Variants in SVEP1 observed in about 807,000 individuals in gnomAD.
SVEP1 encodes the protein sushi, von Willebrand factor type A, EGF and pentraxin domain-containing protein 1.
SVEP1 carries 164 observed loss-of-function variants against 367.3 expected under a neutral mutation model. The observed-to-expected ratio is 0.45, with a 90% CI of 0.39 to 0.51. The LOEUF is 0.51. Among genes scored for constraint, SVEP1 ranks in the 20% least tolerant of loss-of-function variants. SVEP1 has a pLI of 0.00. For synonymous variants in SVEP1, 1,666 were observed against 1,611.6 expected, an observed-to-expected ratio of 1.03 and a Z score of -0.81; for missense variants, 4,117 against 4,425.3, an observed-to-expected ratio of 0.93 and a Z score of 1.98.
chr9:110,570,863 ACT>A (rs1830553727), intron 1 of SVEP1, among the ~76,000 whole-genome samples: 1 of 150,802 alleles, frequency 6.6e-6, no homozygotes, highest in Non-Finnish European at 1.5e-5. Flanking sequence ...TCAAGGCCAG[ACT>A]CTTTTATCTT....
In SVEP1 at chr9:110,407,225, G is replaced by T. The variant is rs1209025126; in HGVS notation, c.8375C>A (p.Thr2792Lys). 6.2e-7 allele frequency: 1 copy of T among 1,613,984 alleles called. No individual in the cohort carries two copies. The highest frequency in any genetic ancestry group is 1.3e-5 in the African/African-American group (1 of 75,040). ...MNGSIKGSNY[T>K]YLSTLYYECD... Reference sequence around the variant, plus strand: ...CTCATAGTACAACGTGCTCAGGTATGTGTAGTTGCTTCCTTTGATGGATCC... The same window carrying T: ...CTCATAGTACAACGTGCTCAGGTATTTGTAGTTGCTTCCTTTGATGGATCC... Residue 2792 changes from threonine to lysine, a missense_variant, in exon 38 of 48, where the codon ACA becomes AAA. Physicochemically the swap from Thr to Lys is moderately conservative, Grantham distance 78. Coordinates refer to ENST00000374469, the MANE Select transcript of SVEP1 (RefSeq NM_153366.4).
intron 34 of SVEP1, 147 bp from the exon 35 acceptor site, chr9:110,429,481 AT>A (rs148059692): frequency 0.19 from 98,758 of 528,908 alleles, 9,912 homozygotes; most frequent in East Asian, 0.42. Context: ...TTTTAAATTA[AT>A]TTTTTTTTTC....
chr9:110,399,707 T>TA (rs1827826802), intron 40 of SVEP1, among the ~76,000 whole-genome samples: 1 of 152,004 alleles, frequency 6.6e-6, no homozygotes, highest in African/African-American at 2.4e-5. Flanking sequence ...CCATTTTCTG[T>TA]ATTTTTTGTG....
chr9:110,525,135 G>A (rs1315310837), intron 3 of SVEP1, among the ~76,000 whole-genome samples: 9 of 152,010 alleles, frequency 5.9e-5, no homozygotes, highest in East Asian at 1.9e-4. Flanking sequence ...AAACGTATTC[G>A]GATTAGAAAG....
chr9:110,513,156 G>A, intron 4 of SVEP1, 51 bp from the exon 5 acceptor site: 1 of 1,503,022 alleles, frequency 6.7e-7, no homozygotes, highest in Non-Finnish European at 8.9e-7. Flanking sequence ...TTTTGTCTAT[G>A]ACATATCCTT....
At chr9:110,537,108 G>C (rs2118827905) in intron 3 of SVEP1, among the ~76,000 whole-genome samples, 1 of 151,938 alleles carries the variant, frequency 6.6e-6, no homozygotes, top group Admixed American at 6.6e-5. Flanking sequence ...ATACTTTTTT[G>C]ATGATAGATA....
chr9:110,562,190 T>A (rs556756847), intron 1 of SVEP1, among the ~76,000 whole-genome samples: 1 of 151,558 alleles, frequency 6.6e-6, no homozygotes, highest in African/African-American at 2.4e-5. Flanking sequence ...AATTCCACCA[T>A]TTGGAATAAA....
rs1827334614 is a variant in SVEP1 at position 110,375,384 on chromosome 9, C to A, written c.10584G>T (p.Gly3528=). ...GAGGCCTACCTGTATGACAGCGAGA[C>A]CCCGTCCAGCCAGGCGGGCAGTCAC... The part of the protein sequence containing the change: ...YQCDCPPGWT[G]SRCHTAVCQS... The change falls in exon 46 of 48, where the codon GGG becomes GGT. Residue 3528 remains glycine (G), a synonymous_variant. Coordinates refer to ENST00000374469, the MANE Select transcript of SVEP1 (RefSeq NM_153366.4). 1.3e-6 allele frequency: 2 copies of A among 1,550,680 alleles called. No individual in the cohort carries two copies. The highest frequency in any genetic ancestry group is 8.7e-7 in the Non-Finnish European group (1 of 1,148,002).
chr9:110,408,372 C>A lies in SVEP1; in HGVS notation c.7228G>T (p.Gly2410Cys), dbSNP rs1334134938. ...GAATTTCCTCTTAGGAAAAACCCAC[C>A]TACACAAGAATACTTGACAGTACTT... ...FGSTVKYSCVGGFFLRGNSTT... is the reference protein window; with the variant it reads ...FGSTVKYSCVCGFFLRGNSTT... Residue 2410 changes from glycine to cysteine, a missense_variant, in exon 38 of 48, where the codon GGT becomes TGT. By Grantham distance (159) the Gly-to-Cys change is radical (BLOSUM62 -3). Around this residue, in one of 4 missense-constraint regions of SVEP1, gnomAD observed 1,765 missense variants for 1,781.1 expected, o/e 0.99. Transcript: ENST00000374469. 1 of 1,613,776 alleles carries A rather than the reference C, an allele frequency of 6.2e-7. No homozygotes were observed. The highest frequency in any genetic ancestry group is 8.5e-7 in the Non-Finnish European group (1 of 1,179,880).
chr9:110,443,747 G>A, intron 26 of SVEP1, 27 bp from the exon 27 acceptor site: 1 of 1,540,584 alleles, frequency 6.5e-7, no homozygotes, highest in Non-Finnish European at 8.8e-7. Context: ...TCCAGGGAAT[G>A]TAGTCATTAG....
rs1829156915 is a variant in SVEP1, at chr9:110,479,773, A to C, written c.2366-17T>G. 2 of 1,591,644 alleles carry C rather than the reference A, an allele frequency of 1.3e-6. No individual in the cohort carries two copies. The highest frequency in any genetic ancestry group is 1.7e-6 in the Non-Finnish European group (2 of 1,173,396). On this transcript the variant is annotated splice_polypyrimidine_tract_variant and intron_variant, in intron 12 of 47. Coordinates refer to ENST00000374469, the MANE Select transcript of SVEP1 (RefSeq NM_153366.4). ...AACGTTTTTCTAGAAAATGTTGGAC[A>C]AAACAGCTTCAGTTGGTTAGTGTTT...
Position 110,366,456 on chromosome 9 carries a change from T to G in SVEP1, c.*83A>C. ...CAAGACCCAGCACCATGTTGGACTT[T>G]CTTTGCATAAGTTCCAGGATGCCCA... On this transcript the variant is annotated 3_prime_UTR_variant, in exon 48 of 48. Coordinates refer to ENST00000374469, the MANE Select transcript of SVEP1 (RefSeq NM_153366.4). 7.1e-7 allele frequency: 1 copy of G among 1,399,700 alleles called. No homozygotes were observed. Among genetic ancestry groups the G allele is most frequent in the East Asian group, 2.5e-5 (1 of 39,818 alleles). The allele number at this position is 1,399,700 out of a possible 1,614,324, so 86.7% of individuals were successfully genotyped here. A position where few individuals can be genotyped will look rare whatever the true frequency, so the allele number is the denominator to read the frequency against.
At position 110,383,252 on chromosome 9, in the gene SVEP1, C is replaced by A. The variant is rs192987062; in HGVS notation, c.10237+2646G>T. On this transcript the variant is annotated intron_variant, in intron 43 of 47. Transcript: ENST00000374469. ...CCTTTAGATGAGGCTTTTGTGAGGG[C>A]TTTTTTGTTGATGGCTGTTGTTGTT... Among the ~76,000 whole-genome samples, 390 of 151,720 alleles carry A rather than the reference C, an allele frequency of 2.6e-3. 4 individuals are homozygous for A. The highest frequency in any genetic ancestry group is 8.9e-3 in the African/African-American group (367 of 41,160).
intron 8 of SVEP1, among the ~76,000 whole-genome samples, chr9:110,493,220 G>A (rs1343071361): frequency 1.3e-5 from 2 of 152,014 alleles, no homozygotes; most frequent in Non-Finnish European, 2.9e-5. Flanking sequence ...TTGGGGAGGG[G>A]GTGGTGCTTC....
intron 30 of SVEP1, among the ~76,000 whole-genome samples, chr9:110,433,251 A>G (rs774597662): frequency 1.3e-5 from 2 of 151,750 alleles, no homozygotes; most frequent in Non-Finnish European, 2.9e-5. Flanking sequence ...CTTTATAGCA[A>G]TGCAAAATGG....
At chr9:110,500,050 A>C (rs751076395) in intron 6 of SVEP1, among the ~76,000 whole-genome samples, 3 of 152,230 alleles carry the variant, frequency 2.0e-5, no homozygotes, top group Non-Finnish European at 4.4e-5. Flanking sequence ...ACAAATGAAA[A>C]CTGAGCACAC....
chr9:110,393,649 A>G (rs1827704193), intron 40 of SVEP1, among the ~76,000 whole-genome samples: 1 of 152,058 alleles, frequency 6.6e-6, no homozygotes, highest in Non-Finnish European at 1.5e-5. Context: ...AAATCGGGTC[A>G]CTCCCACTCT....
At chr9:110,463,417 T>C (rs532867827) in intron 18 of SVEP1, among the ~76,000 whole-genome samples, 2 of 152,212 alleles carry the variant, frequency 1.3e-5, no homozygotes, top group South Asian at 2.1e-4. Flanking sequence ...TTAAATATGA[T>C]TGCTATCTTG....
intron 12 of SVEP1, 51 bp downstream of exon 12, chr9:110,481,191 G>C: frequency 7.8e-7 from 1 of 1,286,236 alleles, no homozygotes; most frequent in South Asian, 2.8e-5. Flanking sequence ...ACTTAGAAAT[G>C]TACACACATT....
Sources: allele counts gnomAD v4.1 joint callset (sites outside exome capture counted in the v4.1 genomes callset), GRCh38; gene constraint gnomAD v4.1.1; regional missense constraint gnomAD v4.1.1; transcripts MANE v1.5; gene names NCBI Gene and HGNC (gene_info 2026-07-23, HGNC 2026-07-21).